The following PRORP variants were observed in gnomAD, a reference collection of about 807,000 sequenced individuals.
PRORP encodes protein only RNase P catalytic subunit, also known as mitochondrial ribonuclease P catalytic subunit.
PRORP carries 51 observed loss-of-function variants against 59.4 expected under a neutral mutation model. That is an observed-to-expected ratio of 0.86 (90% CI 0.69 to 1.08). The LOEUF (loss-of-function observed/expected upper bound fraction) is 1.08. PRORP is among the 50% of genes least tolerant of loss of function. The probability of loss-of-function intolerance (pLI) is 0.00; values close to 1 mark genes in which losing one functional copy is unlikely to be tolerated. For missense variants in PRORP, 646 were observed against 690.3 expected, an observed-to-expected ratio of 0.94 and a Z score of 0.72; for synonymous variants, 231 against 245.6, an observed-to-expected ratio of 0.94 and a Z score of 0.55.
chr14:35,257,586 T>C lies in PRORP; in HGVS notation c.1276-9141T>C, dbSNP rs147872515. ...ATGTATATACCACATTTTATCGATC[T>C]ATTCATCTTCCAGAAATTGACATTT... On this transcript the variant is annotated intron_variant, in intron 5 of 7. Coordinates refer to ENST00000534898, the MANE Select transcript of PRORP (RefSeq NM_014672.4). 5.3e-4 allele frequency among the ~76,000 whole-genome samples: 80 copies of C among 152,346 alleles called. 3 individuals carry two copies. In the East Asian group the frequency reaches 0.013, roughly 24 times the overall value.
intron 5 of PRORP, among the ~76,000 whole-genome samples, chr14:35,199,499 C>T (rs188217789): frequency 6.6e-6 from 1 of 152,188 alleles, no homozygotes; most frequent in African/African-American, 2.4e-5. Context: ...GGGATTAGCA[C>T]CCTTATAAAA....
At chr14:35,227,225 C>T (rs1246744994) in intron 5 of PRORP, among the ~76,000 whole-genome samples, 3 of 151,456 alleles carry the variant, frequency 2.0e-5, no homozygotes, top group Non-Finnish European at 2.9e-5. Flanking sequence ...GGGTGGATCA[C>T]GAGGTCAGGA....
chr14:35,265,142 G>A (rs1047148575), intron 5 of PRORP, among the ~76,000 whole-genome samples: 1 of 152,012 alleles, frequency 6.6e-6, no homozygotes, highest in Non-Finnish European at 1.5e-5. Flanking sequence ...ATTGATGATA[G>A]GACTTTAAGT....
chr14:35,133,579 G>T (rs1401899291), intron 4 of PRORP, among the ~76,000 whole-genome samples: 2 of 152,130 alleles, frequency 1.3e-5, no homozygotes, highest in Non-Finnish European at 2.9e-5. Context: ...TCTGGGCATT[G>T]AAGAGTTAGG....
At chr14:35,203,475 C>G (rs2049208677) in intron 5 of PRORP, among the ~76,000 whole-genome samples, 1 of 150,984 alleles carries the variant, frequency 6.6e-6, no homozygotes, top group African/African-American at 2.4e-5. Context: ...TGCAGTGAGC[C>G]AAGATCACAC....
At chr14:35,206,714 G>A (rs1276778741) in intron 5 of PRORP, among the ~76,000 whole-genome samples, 1 of 152,174 alleles carries the variant, frequency 6.6e-6, no homozygotes, top group Non-Finnish European at 1.5e-5. Flanking sequence ...GGTGACTATA[G>A]GTAAGATAGT....
chr14:35,159,717 T>G (rs1485428449), intron 4 of PRORP, among the ~76,000 whole-genome samples: 1 of 152,210 alleles, frequency 6.6e-6, no homozygotes, highest in African/African-American at 2.4e-5. Context: ...ACAATAACTT[T>G]GAGGGAATGA....
chr14:35,253,415 A>AAAAG (rs138004188), intron 5 of PRORP, among the ~76,000 whole-genome samples: 39,050 of 150,938 alleles, frequency 0.26, 6,605 homozygotes, highest in African/African-American at 0.48. Context: ...AAAGAAAGAA[A>AAAAG]AAAAGAAAAG....
intron 4 of PRORP, among the ~76,000 whole-genome samples, chr14:35,166,448 CTTTTTT>C (rs55916577): frequency 1.0e-5 from 1 of 96,072 alleles, no homozygotes; most frequent in African/African-American, 3.9e-5. Flanking sequence ...TTATCTGAAT[CTTTTTT>C]TTTTTTTTTT....
At chr14:35,122,497 TC>T (rs1361824416), upstream of PRORP, 1 of 155,834 alleles carries the variant, frequency 6.4e-6, no homozygotes, top group Non-Finnish European at 1.4e-5. Flanking sequence ...AACGCCTAAG[TC>T]CGGGTCAGTC....
chr14:35,157,678 G>C (rs1005380332), intron 4 of PRORP, among the ~76,000 whole-genome samples: 3 of 152,090 alleles, frequency 2.0e-5, no homozygotes, highest in African/African-American at 7.2e-5. Flanking sequence ...TGTGAGCCAC[G>C]GTGCCTGGCC....
chr14:35,145,389 A>G (rs1414656777), intron 4 of PRORP, among the ~76,000 whole-genome samples: 3 of 144,044 alleles, frequency 2.1e-5, no homozygotes, highest in Non-Finnish European at 1.5e-5. Context: ...AACACCTGTG[A>G]AAAGGGGAAA....
chr14:35,187,478 C>A (rs1161026204), intron 5 of PRORP, among the ~76,000 whole-genome samples: 2 of 146,920 alleles, frequency 1.4e-5, no homozygotes, highest in Non-Finnish European at 3.0e-5. Context: ...AGCTGGAGTG[C>A]AGTGGCATGA....
intron 4 of PRORP, chr14:35,158,862 A>G (rs1331874026): frequency 9.8e-6 from 3 of 305,300 alleles, no homozygotes; most frequent in East Asian, 1.9e-4. Context: ...ATTCTGGAGA[A>G]TGCAAATCTA....
At chr14:35,179,991 G>A (rs572807324) in intron 4 of PRORP, among the ~76,000 whole-genome samples, 4 of 152,326 alleles carry the variant, frequency 2.6e-5, no homozygotes, top group African/African-American at 9.6e-5. Context: ...GAGTTTGCTG[G>A]AGGTCCACTC....
At chr14:35,263,852 C>T (rs933669208) in intron 5 of PRORP, among the ~76,000 whole-genome samples, 1 of 152,150 alleles carries the variant, frequency 6.6e-6, no homozygotes, top group Non-Finnish European at 1.5e-5. Flanking sequence ...AAGGAAAGAA[C>T]TATATTTTAC....
intron 5 of PRORP, among the ~76,000 whole-genome samples, chr14:35,232,148 C>A (rs1401328852): frequency 6.7e-6 from 1 of 150,254 alleles, no homozygotes; most frequent in Non-Finnish European, 1.5e-5. Flanking sequence ...AAAATCATAT[C>A]TTTTATTCTG....
At chr14:35,130,432 C>T (rs757717816) in intron 4 of PRORP, among the ~76,000 whole-genome samples, 1 of 151,860 alleles carries the variant, frequency 6.6e-6, no homozygotes, top group African/African-American at 2.4e-5. Context: ...TTATTATTAA[C>T]AGTGAGTTAT....
At position 35,277,200 on chromosome 14, in the gene PRORP, A is replaced by G. The variant is rs2051307189; in HGVS notation, c.*3634A>G. The G allele has an allele frequency of 2.0e-5, 3 of 152,068 alleles. No individual in the cohort carries two copies. The highest frequency in any genetic ancestry group is 2.0e-4 in the Admixed American group (3 of 15,262). The allele number at this position is 152,068 out of a possible 1,614,324, so 9.4% of individuals were successfully genotyped here. ...GCCATGACGCCTGGCTAATTTTTGC[A>G]TTTTTAGTAGAGACGGGTTTTCACC... On this transcript the variant is annotated 3_prime_UTR_variant, in exon 8 of 8. Transcript: ENST00000534898.
Sources: gnomAD v4.1 joint callset for allele counts (sites outside exome capture counted in the v4.1 genomes callset) on GRCh38, gnomAD v4.1.1 for gene constraint, MANE v1.5 for transcripts, NCBI Gene and HGNC (gene_info 2026-07-23, HGNC 2026-07-21) for gene names.